ST6GALNAC3: variants seen among roughly 807,000 people sequenced by gnomAD.
ST6GALNAC3 encodes ST6 N-acetylgalactosaminide alpha-2,6-sialyltransferase 3, also known as alpha-N-acetylgalactosaminide alpha-2,6-sialyltransferase 3.
A neutral mutation model predicts 32.7 loss-of-function variants in ST6GALNAC3; 25 were observed. The ratio of observed to expected loss-of-function variants is 0.76; its 90% confidence interval spans 0.56 to 1.07. The LOEUF (loss-of-function observed/expected upper bound fraction) is 1.07, where lower values mean the gene tolerates loss of function less well. ST6GALNAC3 is among the 50% of genes least tolerant of loss of function. The pLI, the probability that ST6GALNAC3 is intolerant of heterozygous loss-of-function variation, is 0.00. For missense variants in ST6GALNAC3, 355 were observed against 382.4 expected, an observed-to-expected ratio of 0.93 and a Z score of 0.60; for synonymous variants, 129 against 133.1, an observed-to-expected ratio of 0.97 and a Z score of 0.21.
chr1:76,293,704 T>A (rs181534682), intron 1 of ST6GALNAC3, among the ~76,000 whole-genome samples: 3 of 152,346 alleles, frequency 2.0e-5, no homozygotes, highest in Admixed American at 6.5e-5. Context: ...GAGGGTTATG[T>A]ACCACTGTCA....
At chr1:76,581,777 C>G (rs1343632824) in intron 3 of ST6GALNAC3, among the ~76,000 whole-genome samples, 1 of 152,062 alleles carries the variant, frequency 6.6e-6, no homozygotes, top group Non-Finnish European at 1.5e-5. Flanking sequence ...CACAATAACT[C>G]TTTGGGTAAG....
chr1:76,079,629 C>T (rs60471485), intron 1 of ST6GALNAC3, among the ~76,000 whole-genome samples: 8,620 of 152,226 alleles, frequency 0.057, 800 homozygotes, highest in African/African-American at 0.2. Context: ...TACCTTCTCT[C>T]CAGTGACCTG....
At chr1:76,461,561 TTC>T (rs1262372987) in intron 3 of ST6GALNAC3, among the ~76,000 whole-genome samples, 5 of 152,178 alleles carry the variant, frequency 3.3e-5, no homozygotes, top group African/African-American at 1.2e-4. Context: ...GGGCTGAAGT[TTC>T]TGTCTCAGCA....
chr1:76,418,415 A>G (rs1250912666), intron 3 of ST6GALNAC3, among the ~76,000 whole-genome samples: 3 of 152,040 alleles, frequency 2.0e-5, no homozygotes, highest in Non-Finnish European at 4.4e-5. Flanking sequence ...AAATAAAACA[A>G]CTATGCTAGC....
At chr1:76,174,767 A>G (rs1228978478) in intron 1 of ST6GALNAC3, among the ~76,000 whole-genome samples, 2 of 151,354 alleles carry the variant, frequency 1.3e-5, no homozygotes, top group African/African-American at 4.9e-5. Flanking sequence ...CCTGGGTTCA[A>G]GCGATTCTCC....
At chr1:76,247,510 A>G (rs1208627626) in intron 1 of ST6GALNAC3, among the ~76,000 whole-genome samples, 1 of 152,022 alleles carries the variant, frequency 6.6e-6, no homozygotes, top group African/African-American at 2.4e-5. Context: ...ATTTCCTTCG[A>G]AGATGTCTTG....
chr1:76,224,874 G>A (rs1206669919), intron 1 of ST6GALNAC3, among the ~76,000 whole-genome samples: 2 of 152,208 alleles, frequency 1.3e-5, no homozygotes, highest in Non-Finnish European at 2.9e-5. Context: ...GTGGTCCCCC[G>A]GAGATTTAGT....
intron 2 of ST6GALNAC3, among the ~76,000 whole-genome samples, chr1:76,354,469 G>A (rs1649278702): frequency 6.6e-6 from 1 of 152,172 alleles, no homozygotes; most frequent in Non-Finnish European, 1.5e-5. Flanking sequence ...GTATTTGTGT[G>A]TATATTTTAT....
chr1:76,144,431 C>G (rs17668087), intron 1 of ST6GALNAC3, among the ~76,000 whole-genome samples: 14,797 of 152,270 alleles, frequency 0.097, 769 homozygotes, highest in Non-Finnish European at 0.12. Context: ...TGCCTGGCCT[C>G]TAGTTGAACT....
chr1:76,611,791 G>A (rs1248136043), intron 3 of ST6GALNAC3, among the ~76,000 whole-genome samples: 1 of 152,140 alleles, frequency 6.6e-6, no homozygotes, highest in Non-Finnish European at 1.5e-5. Flanking sequence ...TGAGTTCTTT[G>A]AAGTTCCTTG....
chr1:76,614,181 C>T (rs191699132), intron 3 of ST6GALNAC3, among the ~76,000 whole-genome samples: 76 of 152,258 alleles, frequency 5.0e-4, no homozygotes, highest in Non-Finnish European at 8.4e-4. Context: ...AAAAGTAGCC[C>T]TTTACTGGCA....
intron 1 of ST6GALNAC3, among the ~76,000 whole-genome samples, chr1:76,245,363 T>A (rs1657197751): frequency 6.6e-6 from 1 of 152,164 alleles, no homozygotes; most frequent in Admixed American, 6.5e-5. Context: ...TTTTTGTTAA[T>A]CTTTTCATAA....
At chr1:76,235,962 TTTTGTTTTTTGTTTGTTTGTTTG>T (rs1268515064) in intron 1 of ST6GALNAC3, among the ~76,000 whole-genome samples, 2 of 151,408 alleles carry the variant, frequency 1.3e-5, no homozygotes, top group Non-Finnish European at 2.9e-5. Flanking sequence ...TGTGACCTCA[TTTTGTTTTTTGTTTGTTTGTTTG>T]TTTGTTTTTA....
intron 2 of ST6GALNAC3, among the ~76,000 whole-genome samples, chr1:76,385,929 G>T (rs1034522676): frequency 6.6e-6 from 1 of 152,022 alleles, no homozygotes; most frequent in Non-Finnish European, 1.5e-5. Context: ...TTATGACCCT[G>T]AGTTTGCCAT....
rs530408833 is a variant in ST6GALNAC3, at chr1:76,467,711, AT to A, written c.623+55302del. On this transcript the variant is annotated intron_variant, in intron 3 of 4. Coordinates refer to ENST00000328299, the MANE Select transcript of ST6GALNAC3 (RefSeq NM_152996.4). ...TCTCTATTCCTGTCCATATTCTTCA[AT>A]TTTTTTTCTCCTATACTGTGCATTA... Among the ~76,000 whole-genome samples, 18 of 151,804 alleles carry A rather than the reference AT, an allele frequency of 1.2e-4. No homozygotes were observed. In the East Asian group the frequency reaches 2.3e-3, roughly 20 times the overall value.
chr1:76,213,194 G>A (rs2100580153), intron 1 of ST6GALNAC3, among the ~76,000 whole-genome samples: 1 of 152,214 alleles, frequency 6.6e-6, no homozygotes, highest in African/African-American at 2.4e-5. Flanking sequence ...TCTGGCCAAT[G>A]GGATCTGTTA....
At chr1:76,112,310 A>C (rs1181720041) in intron 1 of ST6GALNAC3, among the ~76,000 whole-genome samples, 2 of 103,324 alleles carry the variant, frequency 1.9e-5, no homozygotes, top group East Asian at 3.2e-4. Context: ...ACTTCCCAGT[A>C]GGGGCGGCCG....
Position 76,628,748 on chromosome 1 carries a change from C to T in ST6GALNAC3, c.860C>T (p.Ala287Val), listed in dbSNP as rs150006254. The change falls in exon 5 of 5, where the codon GCT becomes GTT. Residue 287 changes from alanine (A) to valine (V), a missense_variant. Coordinates refer to ENST00000328299, the MANE Select transcript of ST6GALNAC3 (RefSeq NM_152996.4). The stretch of plus-strand genomic sequence containing the variant: ...TTTATCACTGAAAAGAAAGTGTTTG[C>T]TAAATGGGCCAAGAAGCACAGGATA... Reference protein sequence around the residue: ...HRFITEKKVFAKWAKKHRIIF... With the variant: ...HRFITEKKVFVKWAKKHRIIF... 1.5e-4 allele frequency: 241 copies of T among 1,612,198 alleles called. No homozygotes were observed. The highest frequency in any genetic ancestry group is 1.8e-4 in the Non-Finnish European group (211 of 1,178,972).
intron 1 of ST6GALNAC3, among the ~76,000 whole-genome samples, chr1:76,237,279 G>A (rs570816648): frequency 6.6e-6 from 1 of 152,204 alleles, no homozygotes; most frequent in Admixed American, 6.5e-5. Flanking sequence ...GACTACAGAT[G>A]CCCGCCACCA....
Sources: allele counts gnomAD v4.1 joint callset (sites outside exome capture counted in the v4.1 genomes callset), GRCh38; gene constraint gnomAD v4.1.1; transcripts MANE v1.5; gene names NCBI Gene and HGNC (gene_info 2026-07-23, HGNC 2026-07-21).